Variants in TANC1 observed in about 807,000 individuals in gnomAD.
TANC1 encodes tetratricopeptide repeat, ankyrin repeat and coiled-coil containing 1, also known as protein TANC1.
Under a neutral mutation model 149.7 loss-of-function variants are expected in TANC1, and 77 were observed. That is an observed-to-expected ratio of 0.51 (90% confidence interval 0.43 to 0.62). TANC1 has a LOEUF of 0.62. Ranked by LOEUF, TANC1 falls within the 20% of genes least tolerant of loss-of-function variation. The pLI is 0.00. For missense variants in TANC1, 1,985 were observed against 2,321.8 expected (o/e 0.85, Z 2.98); for synonymous variants, 854 against 925.0 (o/e 0.92, Z 1.39).
chr2:159,172,666 G>T (rs982053641), intron 11 of TANC1, among the ~76,000 whole-genome samples: 1 of 152,178 alleles, frequency 6.6e-6, no homozygotes, highest in African/African-American at 2.4e-5. Flanking sequence ...GGTTTCCTTG[G>T]CTTTCTGACA....
chr2:159,147,972 C>A (rs890508257), intron 5 of TANC1: 16 of 152,202 alleles, frequency 1.1e-4, no homozygotes, highest in African/African-American at 3.9e-4. Context: ...TGGTTCCTTA[C>A]AAAAGGCGAA....
intron 4 of TANC1, among the ~76,000 whole-genome samples, chr2:159,133,202 A>G (rs573485322): frequency 4.6e-5 from 7 of 152,288 alleles, no homozygotes; most frequent in East Asian, 3.9e-4. Flanking sequence ...TTATCAGGCA[A>G]TAATAACAAA....
chr2:159,106,545 A>G (rs1219586434), intron 4 of TANC1, among the ~76,000 whole-genome samples: 1 of 152,212 alleles, frequency 6.6e-6, no homozygotes, highest in East Asian at 1.9e-4. Flanking sequence ...GTACTCCTAC[A>G]TGCCACTCGT....
At chr2:158,977,186 CTGGAGTACAGTGGTGTGA>C (rs1161985577) in intron 1 of TANC1, among the ~76,000 whole-genome samples, 8 of 152,016 alleles carry the variant, frequency 5.3e-5, no homozygotes, top group Non-Finnish European at 8.8e-5. Context: ...GTTGCCCAAG[CTGGAGTACAGTGGTGTGA>C]TGATAGTTCA....
intron 16 of TANC1, among the ~76,000 whole-genome samples, chr2:159,193,072 T>A (rs1406335906): frequency 6.6e-6 from 1 of 152,270 alleles, no homozygotes; most frequent in African/African-American, 2.4e-5. Context: ...GTGCGATAGA[T>A]GTCCAGTACT....
chr2:158,997,048 C>T (rs774975114), intron 1 of TANC1, among the ~76,000 whole-genome samples: 31 of 151,410 alleles, frequency 2.0e-4, no homozygotes, highest in Non-Finnish European at 4.0e-4. Flanking sequence ...TTTACAGTTG[C>T]ATGACATGGT....
chr2:159,059,888 T>TTGTGTGTG (rs140659801), intron 2 of TANC1, among the ~76,000 whole-genome samples: 11,434 of 114,554 alleles, frequency 0.1, 701 homozygotes, highest in East Asian at 0.11. Context: ...GCAGACCTCT[T>TTGTGTGTG]TGTGTGTGTG....
rs572985941 is a variant in TANC1 at position 159,193,232 on chromosome 2, C to T, written c.2743-1025C>T. On this transcript the variant is annotated intron_variant, in intron 16 of 26. Transcript: ENST00000263635. ...GTTTCACTCAGTATTTGTTCTTTTG[C>T]GTCTGGCTTGCTTCACTTATTTCAC... Among the ~76,000 whole-genome samples the T allele has an allele frequency of 3.7e-4, 56 of 152,300 alleles. No homozygotes were observed. In the Middle Eastern group the frequency reaches 0.017, roughly 46 times the overall value.
intron 12 of TANC1, 138 bp downstream of exon 12, chr2:159,175,322 C>A: frequency 1.5e-6 from 1 of 666,192 alleles, no homozygotes; most frequent in Non-Finnish European, 2.6e-6. Flanking sequence ...CCTCCGTGCC[C>A]ATCCACTCCT....
chr2:159,027,439 C>G (rs1472708089), intron 2 of TANC1, among the ~76,000 whole-genome samples: 2 of 152,190 alleles, frequency 1.3e-5, no homozygotes, highest in Non-Finnish European at 1.5e-5. Flanking sequence ...GTTTCCAGTA[C>G]TTTGTTCCTC....
chr2:159,193,369 A>G (rs1264104500), intron 16 of TANC1, among the ~76,000 whole-genome samples: 1 of 152,228 alleles, frequency 6.6e-6, no homozygotes, highest in African/African-American at 2.4e-5. Flanking sequence ...TCCACTGATG[A>G]ACACTGAGGT....
intron 12 of TANC1, among the ~76,000 whole-genome samples, chr2:159,175,695 G>T (rs1340643589): frequency 6.6e-6 from 1 of 152,168 alleles, no homozygotes; most frequent in African/African-American, 2.4e-5. Context: ...CATCCTCTCT[G>T]CCCTGGACTC....
intron 2 of TANC1, among the ~76,000 whole-genome samples, chr2:159,043,714 T>C (rs998639319): frequency 1.3e-5 from 2 of 152,228 alleles, no homozygotes; most frequent in Admixed American, 6.5e-5. Flanking sequence ...TGTTTACAGT[T>C]TAAGTACAGT....
At chr2:159,181,689 C>CATTG (rs2056499261) in intron 14 of TANC1, among the ~76,000 whole-genome samples, 1 of 152,198 alleles carries the variant, frequency 6.6e-6, no homozygotes, top group Non-Finnish European at 1.5e-5. Flanking sequence ...TCAAATCTTC[C>CATTG]ATTGATTCTT....
At chr2:159,009,202 A>C (rs1015242238) in intron 2 of TANC1, among the ~76,000 whole-genome samples, 43 of 152,344 alleles carry the variant, frequency 2.8e-4, no homozygotes, top group East Asian at 2.7e-3. Flanking sequence ...AAACAGGTGA[A>C]GGTGCCTCAA....
At chr2:159,056,942 C>T (rs1362014268) in intron 2 of TANC1, 3 of 228,400 alleles carry the variant, frequency 1.3e-5, no homozygotes, top group Admixed American at 3.8e-5. Flanking sequence ...GTGTGCCAGC[C>T]CGCAAATATT....
rs111875439 is a variant in TANC1, at chr2:159,162,989, G to T, written c.683-294G>T. ...TAAAAAGAGGATACATTATCTCCAG[G>T]TTACATAATTTTACTCTTAACTCTG... On this transcript the variant is annotated intron_variant, in intron 7 of 26. Coordinates refer to ENST00000263635, the MANE Select transcript of TANC1 (RefSeq NM_033394.3). Among the ~76,000 whole-genome samples the T allele has an allele frequency of 1.6e-4, 25 of 152,186 alleles. 1 individual carries two copies. Among genetic ancestry groups the T allele is most frequent in the African/African-American group, 5.5e-4 (23 of 41,526 alleles).
At chr2:159,171,347 A>T (rs1264420624) in intron 10 of TANC1, among the ~76,000 whole-genome samples, 1 of 152,242 alleles carries the variant, frequency 6.6e-6, no homozygotes, top group Non-Finnish European at 1.5e-5. Flanking sequence ...AAAGAATTTA[A>T]TAGGCCAGGC....
chr2:159,218,565 GA>G (rs1303631169), intron 20 of TANC1, among the ~76,000 whole-genome samples: 1 of 152,202 alleles, frequency 6.6e-6, no homozygotes, highest in Non-Finnish European at 1.5e-5. Flanking sequence ...ATGTGTTGGG[GA>G]AAAATGGGCT....
Sources: gnomAD v4.1 joint callset for allele counts (sites outside exome capture counted in the v4.1 genomes callset) on GRCh38, gnomAD v4.1.1 for gene constraint, MANE v1.5 for transcripts, NCBI Gene and HGNC (gene_info 2026-07-23, HGNC 2026-07-21) for gene names.